Variants in CSMD1 observed in about 807,000 individuals in gnomAD.
CSMD1 encodes CUB and Sushi multiple domains 1, also known as CUB and sushi domain-containing protein 1.
Under a neutral mutation model 417.5 loss-of-function variants are expected in CSMD1, and 213 were observed. The observed-to-expected ratio is 0.51, with a 90% CI of 0.46 to 0.57. The LOEUF is 0.57. Among genes scored for constraint, CSMD1 ranks in the 20% least tolerant of loss-of-function variants. CSMD1 has a pLI of 0.00. For synonymous variants in CSMD1, 2,862 were observed against 1,736.8 expected, an observed-to-expected ratio of 1.65 and a Z score of -16.11; for missense variants, 6,923 against 4,529.7, an observed-to-expected ratio of 1.53 and a Z score of -15.17.
intron 5 of CSMD1, among the ~76,000 whole-genome samples, chr8:3,828,222 C>G (rs907750495): frequency 1.3e-5 from 2 of 152,140 alleles, no homozygotes; most frequent in Non-Finnish European, 2.9e-5. Flanking sequence ...AGAAAAGACA[C>G]TCTTATTATC....
At chr8:3,691,593 G>A (rs189115998) in intron 7 of CSMD1, among the ~76,000 whole-genome samples, 28 of 152,196 alleles carry the variant, frequency 1.8e-4, no homozygotes, top group Non-Finnish European at 1.3e-4. Flanking sequence ...CCAACCTTTG[G>A]CTTCTATCCT....
chr8:3,280,640 T>A (rs943350749), intron 26 of CSMD1, among the ~76,000 whole-genome samples: 2 of 152,204 alleles, frequency 1.3e-5, no homozygotes, highest in Non-Finnish European at 2.9e-5. Context: ...CATGTGAAAT[T>A]GTCAACATTC....
At chr8:4,868,333 G>C (rs897635047) in intron 1 of CSMD1, among the ~76,000 whole-genome samples, 1 of 151,882 alleles carries the variant, frequency 6.6e-6, no homozygotes, top group East Asian at 1.9e-4. Context: ...CCCTGGGTTC[G>C]AGCGATTCGC....
chr8:4,445,815 G>T (rs1053863110), intron 2 of CSMD1, among the ~76,000 whole-genome samples: 2 of 152,204 alleles, frequency 1.3e-5, no homozygotes, highest in African/African-American at 4.8e-5. Flanking sequence ...TAACGAGAAT[G>T]TTTAAATTGC....
chr8:3,492,991 G>C (rs1327541550), intron 11 of CSMD1, among the ~76,000 whole-genome samples: 3 of 152,126 alleles, frequency 2.0e-5, no homozygotes, highest in African/African-American at 4.8e-5. Context: ...GCAGAGGAGA[G>C]AGGTTAAAAA....
intron 1 of CSMD1, among the ~76,000 whole-genome samples, chr8:4,946,725 T>A (rs938639302): frequency 1.1e-4 from 17 of 152,310 alleles, no homozygotes; most frequent in African/African-American, 4.1e-4. Flanking sequence ...TATGTGTAGT[T>A]GGTGTACAGT....
chr8:3,732,791 G>C (rs1043420212), intron 6 of CSMD1, among the ~76,000 whole-genome samples: 1 of 152,082 alleles, frequency 6.6e-6, no homozygotes, highest in African/African-American at 2.4e-5. Context: ...ATCCCACTGA[G>C]TGATTCCGTT....
chr8:3,650,493 T>G (rs986032133), intron 7 of CSMD1, among the ~76,000 whole-genome samples: 2 of 152,152 alleles, frequency 1.3e-5, no homozygotes, highest in Admixed American at 6.6e-5. Context: ...GCTTAGCTGG[T>G]GGGACCAGGG....
intron 5 of CSMD1, among the ~76,000 whole-genome samples, chr8:3,990,579 T>C (rs1011758894): frequency 1.3e-5 from 2 of 152,202 alleles, no homozygotes; most frequent in Non-Finnish European, 2.9e-5. Context: ...TGTCCCAAAT[T>C]TCAAATACGT....
At chr8:3,636,426 C>A (rs1383046789) in intron 7 of CSMD1, among the ~76,000 whole-genome samples, 2 of 152,176 alleles carry the variant, frequency 1.3e-5, no homozygotes, top group African/African-American at 4.8e-5. Context: ...GATCCGCCCG[C>A]CTCAGCCTCC....
chr8:4,226,259 AC>A, intron 3 of CSMD1, among the ~76,000 whole-genome samples: 1 of 152,308 alleles, frequency 6.6e-6, no homozygotes, highest in South Asian at 2.1e-4. Flanking sequence ...GTGTATTAAC[AC>A]CTTCAAAAGT....
intron 1 of CSMD1, among the ~76,000 whole-genome samples, chr8:4,691,301 T>G (rs1433039396): frequency 6.6e-6 from 1 of 152,140 alleles, no homozygotes. Flanking sequence ...CTGTAAGCCT[T>G]AGTTTAATTT....
chr8:4,660,906 T>G (rs1804552838), intron 1 of CSMD1, among the ~76,000 whole-genome samples: 1 of 152,112 alleles, frequency 6.6e-6, no homozygotes, highest in Non-Finnish European at 1.5e-5. Context: ...AAATTACAAC[T>G]ACAATGAGAT....
At chr8:4,768,032 G>A (rs533704412) in intron 1 of CSMD1, among the ~76,000 whole-genome samples, 12 of 152,248 alleles carry the variant, frequency 7.9e-5, no homozygotes, top group Middle Eastern at 3.4e-3. Flanking sequence ...AGACACATGC[G>A]TTGAGTTAGT....
chr8:4,366,854 G>T (rs939096031), intron 3 of CSMD1, among the ~76,000 whole-genome samples: 2 of 152,058 alleles, frequency 1.3e-5, no homozygotes, highest in African/African-American at 2.4e-5. Context: ...CTTCTTTTGA[G>T]AAGTGCCTGT....
chr8:4,934,026 T>C (rs1807435398), intron 1 of CSMD1, among the ~76,000 whole-genome samples: 1 of 152,024 alleles, frequency 6.6e-6, no homozygotes, highest in African/African-American at 2.4e-5. Context: ...ATGAAGGTTT[T>C]GATGATGAGA....
chr8:2,996,621 C>T (rs1012458550), intron 54 of CSMD1, among the ~76,000 whole-genome samples: 10 of 152,200 alleles, frequency 6.6e-5, no homozygotes, highest in Non-Finnish European at 1.3e-4. Flanking sequence ...CTAGGCCCTG[C>T]TCCATACTTC....
At chr8:3,221,011 G>A (rs1798177402) in intron 28 of CSMD1, among the ~76,000 whole-genome samples, 1 of 150,314 alleles carries the variant, frequency 6.7e-6, no homozygotes, top group Admixed American at 6.7e-5. Flanking sequence ...AGACAGAGAA[G>A]GTCAGGGTTT....
At chr8:3,864,682 T>G (rs1010741202) in intron 5 of CSMD1, among the ~76,000 whole-genome samples, 1 of 152,094 alleles carries the variant, frequency 6.6e-6, no homozygotes, top group Non-Finnish European at 1.5e-5. Flanking sequence ...TTTCGACTGA[T>G]GAAGGTGCCC....
Sources: allele counts gnomAD v4.1 joint callset (sites outside exome capture counted in the v4.1 genomes callset), GRCh38; gene constraint gnomAD v4.1.1; transcripts MANE v1.5; gene names NCBI Gene and HGNC (gene_info 2026-07-23, HGNC 2026-07-21).